PLAC1: variants seen among roughly 807,000 people sequenced by gnomAD.
The protein encoded by PLAC1 is placenta associated 1, also known as placenta-specific protein 1.
For synonymous variants in PLAC1, 68 were observed against 62.1 expected, an observed-to-expected ratio of 1.09 and a Z score of -0.44; for missense variants, 136 against 163.2, an observed-to-expected ratio of 0.83 and a Z score of 0.91.
At chrX:134,569,678 T>C (rs1463266451) in intron 2 of PLAC1, among the ~76,000 whole-genome samples, 1 of 108,239 alleles carries the variant, frequency 9.2e-6, no homozygotes, top group Non-Finnish European at 1.9e-5. Flanking sequence ...TGAGAACAGA[T>C]CCTCAAAGCA....
intron 2 of PLAC1, among the ~76,000 whole-genome samples, chrX:134,727,006 C>T (rs2078676713): frequency 9.1e-6 from 1 of 109,879 alleles, no homozygotes; most frequent in Admixed American, 9.8e-5. Context: ...AGACACTCTG[C>T]CCATGCTCCT....
At chrX:134,708,780 C>T (rs1031618685) in intron 2 of PLAC1, among the ~76,000 whole-genome samples, 18 of 111,125 alleles carry the variant, frequency 1.6e-4, no homozygotes, top group Non-Finnish European at 3.0e-4. Context: ...TCAGGTGATC[C>T]GCCCACGTCG....
intron 1 of PLAC1, among the ~76,000 whole-genome samples, chrX:134,619,379 G>A (rs958554741): frequency 8.9e-6 from 1 of 111,957 alleles, no homozygotes; most frequent in African/African-American, 3.2e-5. Context: ...CTGGCTGGAC[G>A]CGGTGGCTCA....
In PLAC1 at chrX:134,565,982, A is replaced by G; in HGVS notation, c.*62T>C. 1.0e-6 allele frequency: 1 copy of G among 1,004,860 alleles called. No homozygotes were observed. The highest frequency in any genetic ancestry group is 1.4e-6 in the Non-Finnish European group (1 of 729,734). 82.8% of individuals were successfully genotyped at this position (1,004,860 alleles called of 1,213,427 possible). ...GGTCACAAGAGCACTTATTTGTCAG[A>G]CATTTGTACACTATATACTAATTCT... On this transcript the variant is annotated 3_prime_UTR_variant, in exon 3 of 3. Coordinates refer to ENST00000359237, the MANE Select transcript of PLAC1 (RefSeq NM_021796.4).
chrX:134,642,413 G>A (rs746460371), intron 1 of PLAC1, among the ~76,000 whole-genome samples: 175 of 111,581 alleles, frequency 1.6e-3, no homozygotes, highest in Middle Eastern at 9.5e-3. Flanking sequence ...CTCCTATTGG[G>A]GATGGCAAAT....
At chrX:134,759,510 T>A (rs769406061) in intron 1 of PLAC1, among the ~76,000 whole-genome samples, 1 of 111,461 alleles carries the variant, frequency 9.0e-6, no homozygotes, top group East Asian at 2.8e-4. Flanking sequence ...GAAAACAGTA[T>A]GGAGATTTCT....
rs2078458453 is a variant in PLAC1 at position 134,672,323 on chromosome X, G to A, written n.174+61112C>T. On this transcript the variant is annotated intron_variant and non_coding_transcript_variant, in intron 2 of 2. Transcript: ENST00000466797. ...TATCATAACATCCTTTGTGGGGAAT[G>A]CAGGGGCTGACGGGGTATCTCTGGG... 4.5e-5 allele frequency among the ~76,000 whole-genome samples: 5 copies of A among 111,129 alleles called. No individual in the cohort carries two copies. In the Admixed American group the frequency reaches 4.8e-4, roughly 11 times the overall value.
intron 1 of PLAC1, among the ~76,000 whole-genome samples, chrX:134,755,100 G>C (rs1275931712): frequency 1.8e-5 from 2 of 111,708 alleles, no homozygotes; most frequent in African/African-American, 6.5e-5. Context: ...CATAGGCCAT[G>C]CTGAAGGTTT....
At chrX:134,661,942 T>C (rs780877893), upstream of PLAC1, among the ~76,000 whole-genome samples, 5 of 112,363 alleles carry the variant, frequency 4.4e-5, no homozygotes, top group Non-Finnish European at 5.6e-5. Context: ...ATAAATTATA[T>C]GAAAAACAAA....
intron 1 of PLAC1, among the ~76,000 whole-genome samples, chrX:134,652,894 C>G (rs940419038): frequency 8.9e-6 from 1 of 111,885 alleles, no homozygotes; most frequent in Non-Finnish European, 1.9e-5. Flanking sequence ...ATCCTTGAGG[C>G]CTGATCCCCC....
intron 2 of PLAC1, among the ~76,000 whole-genome samples, chrX:134,712,789 A>T (rs1203070866): frequency 9.0e-6 from 1 of 111,367 alleles, no homozygotes; most frequent in Admixed American, 9.6e-5. Flanking sequence ...ATAATCCTCA[A>T]CTATGATATA....
intron 2 of PLAC1, among the ~76,000 whole-genome samples, chrX:134,592,974 G>A (rs978004112): frequency 4.5e-4 from 50 of 110,239 alleles, no homozygotes; most frequent in African/African-American, 1.5e-3. Context: ...TGATCCGCCC[G>A]CCTCAGCCTC....
chrX:134,747,773 AC>A (rs1296022302), intron 1 of PLAC1, among the ~76,000 whole-genome samples: 5 of 111,737 alleles, frequency 4.5e-5, no homozygotes, highest in Non-Finnish European at 9.4e-5. Flanking sequence ...TTTTCAAAGC[AC>A]TTTTGCATTC....
intron 1 of PLAC1, among the ~76,000 whole-genome samples, chrX:134,754,758 C>CTTTTTTTTT (rs760098539): frequency 1.5e-5 from 1 of 66,162 alleles, no homozygotes; most frequent in African/African-American, 6.0e-5. Flanking sequence ...ATTTATTGTT[C>CTTTTTTTTT]TTTTTTTTTT....
intron 2 of PLAC1, among the ~76,000 whole-genome samples, chrX:134,710,681 A>G (rs1445206297): frequency 8.9e-6 from 1 of 111,879 alleles, no homozygotes; most frequent in Non-Finnish European, 1.9e-5. Context: ...ACTGATCTCA[A>G]GAACATAATG....
intron 2 of PLAC1, among the ~76,000 whole-genome samples, chrX:134,582,816 G>A (rs1342708385): frequency 1.8e-5 from 2 of 111,867 alleles, no homozygotes; most frequent in South Asian, 3.8e-4. Context: ...AGAAAAAAAG[G>A]TGAGAAGAAA....
intron 2 of PLAC1, among the ~76,000 whole-genome samples, chrX:134,729,738 T>C (rs745546258): frequency 8.9e-6 from 1 of 112,356 alleles, no homozygotes; most frequent in Non-Finnish European, 1.9e-5. Context: ...CATTATGATA[T>C]TCTTTCCATA....
At chrX:134,655,894 G>C (rs781564956) in intron 1 of PLAC1, among the ~76,000 whole-genome samples, 1 of 112,163 alleles carries the variant, frequency 8.9e-6, no homozygotes, top group African/African-American at 3.2e-5. Context: ...TCCCATATCA[G>C]ATTCTTTAAT....
At chrX:134,587,322 G>A (rs2078008561) in intron 2 of PLAC1, among the ~76,000 whole-genome samples, 1 of 110,598 alleles carries the variant, frequency 9.0e-6, no homozygotes, top group Non-Finnish European at 1.9e-5. Context: ...TGAAGCCGAG[G>A]AAGAAAGATG....
Sources: allele counts gnomAD v4.1 joint callset (sites outside exome capture counted in the v4.1 genomes callset), GRCh38; gene constraint gnomAD v4.1.1; transcripts MANE v1.5; gene names NCBI Gene and HGNC (gene_info 2026-07-23, HGNC 2026-07-21).